COL9A1: variants seen among roughly 807,000 people sequenced by gnomAD.
The protein encoded by COL9A1 is collagen alpha-1(IX) chain.
COL9A1 carries 104 observed loss-of-function variants against 142.6 expected under a neutral mutation model. The ratio of observed to expected loss-of-function variants is 0.73; its 90% CI spans 0.62 to 0.86. The LOEUF is 0.86. Among genes scored for constraint, COL9A1 ranks in the 40% least tolerant of loss-of-function variants. The pLI is 0.00. For missense variants in COL9A1, 1,210 were observed against 1,176.6 expected, an observed-to-expected ratio of 1.03 and a Z score of -0.42; for synonymous variants, 466 against 396.0, an observed-to-expected ratio of 1.18 and a Z score of -2.10.
chr6:70,291,220 A>C (rs779681340), intron 5 of COL9A1, among the ~76,000 whole-genome samples: 39 of 152,170 alleles, frequency 2.6e-4, no homozygotes, highest in Non-Finnish European at 5.0e-4. Context: ...GTTTTCAAAA[A>C]TGAGGAACAA....
At chr6:70,262,929 A>G (rs918255719) in intron 19 of COL9A1, among the ~76,000 whole-genome samples, 6 of 152,236 alleles carry the variant, frequency 3.9e-5, no homozygotes, top group African/African-American at 1.4e-4. Context: ...ATAATACGAT[A>G]GAACATAAAA....
chr6:70,301,538 T>C (rs1292472795), intron 2 of COL9A1, among the ~76,000 whole-genome samples: 1 of 152,146 alleles, frequency 6.6e-6, no homozygotes, highest in Non-Finnish European at 1.5e-5. Context: ...GATTGTGTCA[T>C]TGCATTCCAG....
In COL9A1 at chr6:70,300,107, CCA is replaced by C. The variant is rs1462943995; in HGVS notation, c.233_234del (p.Val78GlyfsTer14). ...TAAGCCACCTGCAATGTAGCTGATCCCACTACTCTCTGGATAGCTCTTCTAGA... is the reference window on the plus strand; with the variant it reads ...TAAGCCACCTGCAATGTAGCTGATCCCTACTCTCTGGATAGCTCTTCTAGA... ...AASRRAIQRV[V>X]GSATLQVAYK... On this transcript the variant is annotated frameshift_variant, in exon 4 of 38. Coordinates refer to ENST00000357250, the MANE Select transcript of COL9A1 (RefSeq NM_001851.6). LOFTEE classifies it high-confidence loss of function. 6.2e-7 allele frequency: 1 copy of C among 1,613,684 alleles called. No individual in the cohort carries two copies. The highest frequency in any genetic ancestry group is 8.5e-7 in the Non-Finnish European group (1 of 1,179,772).
intron 37 of COL9A1, among the ~76,000 whole-genome samples, chr6:70,218,766 A>G (rs1768691806): frequency 1.3e-5 from 2 of 148,162 alleles, no homozygotes; most frequent in African/African-American, 5.0e-5. Context: ...TTTAGAAGGA[A>G]GGTAGGTTAG....
chr6:70,274,184 T>A, intron 11 of COL9A1, 102 bp from the exon 12 acceptor site: 1 of 904,098 alleles, frequency 1.1e-6, no homozygotes, highest in South Asian at 1.8e-5. Flanking sequence ...CCCATTATGG[T>A]GTTTTTTTTT....
chr6:70,216,276 GT>G lies in COL9A1; in HGVS notation c.*620del, dbSNP rs1768495739. ...ATAGAAGCGCTCAAAATATTAACAG[GT>G]TTGGGGTAAAGTACATACAGTTCAA... is the stretch of plus-strand genomic sequence containing the variant. On this transcript the variant is annotated 3_prime_UTR_variant, in exon 38 of 38. Transcript: ENST00000357250. The G allele has an allele frequency of 1.3e-5, 2 of 152,758 alleles. No homozygotes were observed. The highest frequency in any genetic ancestry group is 4.8e-5 in the African/African-American group (2 of 41,392). The allele number at this position is 152,758 out of a possible 1,614,324, so 9.5% of individuals were successfully genotyped here.
At chr6:70,231,707 G>A (rs1265322410) in intron 36 of COL9A1, among the ~76,000 whole-genome samples, 3 of 138,790 alleles carry the variant, frequency 2.2e-5, no homozygotes, top group Non-Finnish European at 3.2e-5. Context: ...TTGGAGCACC[G>A]CAGTACTTAA....
intron 7 of COL9A1, 124 bp downstream of exon 7, chr6:70,282,774 G>A (rs1450355007): frequency 9.7e-6 from 14 of 1,438,642 alleles, no homozygotes; most frequent in Non-Finnish European, 1.2e-5. Flanking sequence ...CGAGGCTGGA[G>A]GAAGCGCGGG....
chr6:70,234,816 A>C lies in COL9A1; in HGVS notation c.2237T>G (p.Leu746Arg), dbSNP rs1251807389. 4 of 1,614,020 alleles carry C rather than the reference A, an allele frequency of 2.5e-6. No homozygotes were observed. The highest frequency in any genetic ancestry group is 1.7e-5 in the Admixed American group (1 of 60,010). The change falls in exon 34 of 38, where the codon CTG becomes CGG. Residue 746 changes from leucine (L) to arginine (R), a missense_variant. Transcript: ENST00000357250. ...CACCGGAGGGCCCTGGACACCAGGC[A>C]GGCCGGTGGCACCCTGTTCTCCCTG... ...GVQGEQGATGLPGVQGPPGRA... is the reference protein window; with the variant it reads ...GVQGEQGATGRPGVQGPPGRA...
intron 20 of COL9A1, 40 bp downstream of exon 20, chr6:70,260,617 A>G (rs1235120765): frequency 6.3e-6 from 10 of 1,577,202 alleles, no homozygotes; most frequent in African/African-American, 4.1e-5. Flanking sequence ...TTAAATATTT[A>G]ACACATTTTG....
chr6:70,268,995 TCTAAACACCCCTTTC>T (rs953339982), intron 16 of COL9A1, 135 bp from the exon 17 acceptor site: 1 of 706,804 alleles, frequency 1.4e-6, no homozygotes, highest in African/African-American at 1.8e-5. Flanking sequence ...ATTGAATAAT[TCTAAACACCCCTTTC>T]CTTTTTATTA....
intron 29 of COL9A1, 69 bp downstream of exon 29, chr6:70,242,593 T>C: frequency 7.5e-7 from 1 of 1,330,940 alleles, no homozygotes; most frequent in Non-Finnish European, 1.1e-6. Flanking sequence ...AATTGTTTTC[T>C]CCTCTTGCTT....
intron 5 of COL9A1, among the ~76,000 whole-genome samples, chr6:70,293,659 AC>A (rs1262702803): frequency 2.6e-5 from 4 of 151,450 alleles, no homozygotes; most frequent in Admixed American, 2.6e-4. Flanking sequence ...ACACACACAC[AC>A]ACACACACAC....
At position 70,252,252 on chromosome 6, in the gene COL9A1, G is replaced by T. The variant is rs1215577415; in HGVS notation, c.1818+10C>A. The T allele has an allele frequency of 3.1e-6, 5 of 1,613,854 alleles. No homozygotes were observed. Among genetic ancestry groups the T allele is most frequent in the Non-Finnish European group, 4.2e-6 (5 of 1,179,924 alleles). ...GTTAGAACTTCAGGAGAGGTAAAAT[G>T]GTGTCTTACCGGTTTGCCTGAATTT... is the stretch of plus-strand genomic sequence containing the variant. On this transcript the variant is annotated intron_variant, in intron 27 of 37. Transcript: ENST00000357250.
intron 7 of COL9A1, among the ~76,000 whole-genome samples, chr6:70,282,473 T>G (rs1420865921): frequency 6.6e-6 from 1 of 151,028 alleles, no homozygotes; most frequent in African/African-American, 2.4e-5. Context: ...GACTCGGGGT[T>G]AGTGCAGCTA....
chr6:70,290,884 T>A (rs966808911), intron 5 of COL9A1, among the ~76,000 whole-genome samples: 1 of 152,158 alleles, frequency 6.6e-6, no homozygotes, highest in Admixed American at 6.5e-5. Context: ...GTTTTTATGG[T>A]ATTTTTATGC....
At chr6:70,269,452 T>A (rs779681203) in intron 16 of COL9A1, among the ~76,000 whole-genome samples, 181 bp downstream of exon 16, 4 of 152,190 alleles carry the variant, frequency 2.6e-5, no homozygotes, top group Non-Finnish European at 5.9e-5. Flanking sequence ...TAATGAAAAA[T>A]TATTAGTCTG....
intron 37 of COL9A1, chr6:70,222,948 T>A (rs990060860): frequency 6.6e-6 from 1 of 152,072 alleles, no homozygotes; most frequent in South Asian, 2.1e-4. Flanking sequence ...TTTTGAGAGA[T>A]CAGAAATCAC....
At chr6:70,290,837 G>T (rs914438098) in intron 5 of COL9A1, among the ~76,000 whole-genome samples, 1 of 152,106 alleles carries the variant, frequency 6.6e-6, no homozygotes, top group Non-Finnish European at 1.5e-5. Flanking sequence ...GAATGCAATT[G>T]CATGAAGGAA....
Sources: allele counts gnomAD v4.1 joint callset (sites outside exome capture counted in the v4.1 genomes callset), GRCh38; gene constraint gnomAD v4.1.1; transcripts MANE v1.5; gene names NCBI Gene and HGNC (gene_info 2026-07-23, HGNC 2026-07-21).